KCNIP3: variants seen among roughly 807,000 people sequenced by gnomAD.
The protein encoded by KCNIP3 is calsenilin.
Under a neutral mutation model 35.0 loss-of-function variants are expected in KCNIP3, and 28 were observed. The ratio of observed to expected loss-of-function variants is 0.80; its 90% confidence interval spans 0.59 to 1.10. The LOEUF is 1.10. Among genes scored for constraint, KCNIP3 ranks in the 50% least tolerant of loss-of-function variants. KCNIP3 has a pLI of 0.00. For synonymous variants in KCNIP3, 134 were observed against 133.8 expected, an observed-to-expected ratio of 1.00 and a Z score of -0.01; for missense variants, 295 against 338.4, an observed-to-expected ratio of 0.87 and a Z score of 1.01.
intron 2 of KCNIP3, chr2:95,368,973 C>G (rs1232142691): frequency 2.0e-5 from 3 of 152,546 alleles, no homozygotes; most frequent in Non-Finnish European, 4.4e-5. Context: ...CTGGAGACAC[C>G]TTTGCCTAAA....
intron 2 of KCNIP3, among the ~76,000 whole-genome samples, chr2:95,370,769 CT>C (rs952066845): frequency 2.2e-4 from 33 of 149,034 alleles, no homozygotes; most frequent in Non-Finnish European, 4.0e-4. Context: ...ATTTTTTTTT[CT>C]TTTTTTTTGA....
At chr2:95,304,860 T>C (rs1446516067) in intron 1 of KCNIP3, among the ~76,000 whole-genome samples, 1 of 152,182 alleles carries the variant, frequency 6.6e-6, no homozygotes, top group Non-Finnish European at 1.5e-5. Context: ...GGCCTGGTCC[T>C]GGCCTGCCTG....
intron 2 of KCNIP3, among the ~76,000 whole-genome samples, chr2:95,326,925 C>T (rs752101298): frequency 2.6e-5 from 4 of 152,220 alleles, no homozygotes; most frequent in Non-Finnish European, 4.4e-5. Context: ...CCAGCACCCG[C>T]ACCTCATGGC....
At chr2:95,350,076 C>T (rs1679474968) in intron 2 of KCNIP3, among the ~76,000 whole-genome samples, 1 of 152,172 alleles carries the variant, frequency 6.6e-6, no homozygotes, top group African/African-American at 2.4e-5. Flanking sequence ...ATACGGTTCT[C>T]AAGGGGATCT....
Position 95,382,267 on chromosome 2 carries a change from C to T in KCNIP3, c.556-110C>T, listed in dbSNP as rs574558443. 5.1e-5 allele frequency: 30 copies of T among 591,300 alleles called. No homozygotes were observed. In the East Asian group the frequency reaches 7.0e-4, roughly 14 times the overall value. 36.6% of individuals were successfully genotyped at this position (591,300 alleles called of 1,614,324 possible). A position where few individuals can be genotyped will look rare whatever the true frequency, so the allele number is the denominator to read the frequency against. On this transcript the variant is annotated intron_variant, in intron 6 of 8. Transcript: ENST00000295225. This position sits in a 1 kb window ranked among gnomAD's most constrained non-coding sequence, Gnocchi z 4.5. ...TCTCTCTCCAGCTCGTCCGGCCCCT[C>T]GCACTCACTGCCTTGGAGGTGCCCT...
intron 2 of KCNIP3, among the ~76,000 whole-genome samples, chr2:95,373,535 G>A (rs1216227613): frequency 6.9e-6 from 1 of 145,786 alleles, no homozygotes; most frequent in East Asian, 2.2e-4. Context: ...CCATTCTCCT[G>A]CCTCAGCCTC....
intron 1 of KCNIP3, among the ~76,000 whole-genome samples, chr2:95,302,846 C>T (rs1332727938): frequency 6.6e-6 from 1 of 152,172 alleles, no homozygotes; most frequent in African/African-American, 2.4e-5. Context: ...CCCTCTGAGC[C>T]CACACCCAGG....
chr2:95,324,716 G>C (rs1161263178), intron 2 of KCNIP3, among the ~76,000 whole-genome samples: 1 of 151,670 alleles, frequency 6.6e-6, no homozygotes, highest in African/African-American at 2.4e-5. Context: ...TTCGAGACCA[G>C]CCTGGCCAAT....
At chr2:95,333,102 G>A (rs1283072445) in intron 2 of KCNIP3, among the ~76,000 whole-genome samples, 1 of 152,244 alleles carries the variant, frequency 6.6e-6, no homozygotes, top group African/African-American at 2.4e-5. Context: ...CCCCTACTCT[G>A]CATGCAGTCA....
rs765698504 is a variant in KCNIP3, at chr2:95,378,767, T to A, written c.448-2829T>A. Among the ~76,000 whole-genome samples, 4 of 147,272 alleles carry A rather than the reference T, an allele frequency of 2.7e-5. No homozygotes were observed. The highest frequency in any genetic ancestry group is 2.1e-4 in the South Asian group (1 of 4,670). ...CTCAATCTCAAAAACAAAAACAAAA[T>A]ATATATATATATACACACACACACA... On this transcript the variant is annotated intron_variant, in intron 5 of 8. Transcript: ENST00000295225. The surrounding 1 kb of genome is among the most constrained non-coding windows in gnomAD (Gnocchi z 4.0).
intron 2 of KCNIP3, among the ~76,000 whole-genome samples, chr2:95,336,133 G>A (rs1222453749): frequency 1.3e-5 from 2 of 152,226 alleles, no homozygotes; most frequent in African/African-American, 4.8e-5. Flanking sequence ...GGGGCAGTGA[G>A]AGACAGATGT....
chr2:95,323,428 C>A (rs561986305), intron 2 of KCNIP3, among the ~76,000 whole-genome samples: 1 of 152,300 alleles, frequency 6.6e-6, no homozygotes, highest in East Asian at 1.9e-4. Flanking sequence ...GCAGAGAGGG[C>A]AGTCAGTGCT....
At chr2:95,316,426 G>T (rs1353860289) in intron 2 of KCNIP3, among the ~76,000 whole-genome samples, 4 of 152,236 alleles carry the variant, frequency 2.6e-5, no homozygotes, top group African/African-American at 9.6e-5. Flanking sequence ...AATAACAGTG[G>T]CTTGATCAAG....
Position 95,382,256 on chromosome 2 carries a change from G to A in KCNIP3, c.556-121G>A, listed in dbSNP as rs925809288. 1.1e-4 allele frequency: 58 copies of A among 534,502 alleles called. No individual in the cohort carries two copies. The highest frequency in any genetic ancestry group is 2.2e-4 in the Admixed American group (6 of 26,924). The allele number at this position is 534,502 out of a possible 1,614,324, so 33.1% of individuals were successfully genotyped here. On this transcript the variant is annotated intron_variant, in intron 6 of 8. Coordinates refer to ENST00000295225, the MANE Select transcript of KCNIP3 (RefSeq NM_013434.5). The surrounding 1 kb of genome is among the most constrained non-coding windows in gnomAD (Gnocchi z 4.5). ...GCGGACAGGCTTCTCTCTCCAGCTC[G>A]TCCGGCCCCTCGCACTCACTGCCTT...
At chr2:95,348,173 C>T (rs749269073) in intron 2 of KCNIP3, among the ~76,000 whole-genome samples, 2 of 152,248 alleles carry the variant, frequency 1.3e-5, no homozygotes, top group African/African-American at 4.8e-5. Flanking sequence ...CCAGAGAGAA[C>T]GGGCTTGCTC....
intron 2 of KCNIP3, among the ~76,000 whole-genome samples, chr2:95,343,400 G>T (rs1378455095): frequency 6.6e-6 from 1 of 152,112 alleles, no homozygotes; most frequent in East Asian, 1.9e-4. Flanking sequence ...TGCCTGCTTT[G>T]CCCAGTAGAA....
intron 2 of KCNIP3, among the ~76,000 whole-genome samples, chr2:95,326,004 GAC>G (rs971029011): frequency 9.5e-4 from 123 of 129,284 alleles, no homozygotes; most frequent in African/African-American, 3.1e-3. Context: ...CACACACTCA[GAC>G]ACACACATAC....
intron 1 of KCNIP3, among the ~76,000 whole-genome samples, chr2:95,304,435 A>G (rs1333568175): frequency 1.3e-5 from 2 of 152,126 alleles, no homozygotes; most frequent in Non-Finnish European, 2.9e-5. Flanking sequence ...TGTAAAGAGA[A>G]TGGCAGTGGG....
At chr2:95,363,256 T>C (rs1267263806) in intron 2 of KCNIP3, among the ~76,000 whole-genome samples, 3 of 152,328 alleles carry the variant, frequency 2.0e-5, no homozygotes, top group Admixed American at 6.5e-5. Context: ...ACCATTCACA[T>C]TGGGGTCTCT....
Sources: gnomAD v4.1 joint callset for allele counts (sites outside exome capture counted in the v4.1 genomes callset) on GRCh38, gnomAD v4.1.1 for gene constraint, Gnocchi (gnomAD v3.1) non-coding constraint, MANE v1.5 for transcripts, NCBI Gene and HGNC (gene_info 2026-07-23, HGNC 2026-07-21) for gene names.